Variants in PCCA observed in about 807,000 individuals in gnomAD.
The protein encoded by PCCA is propionyl-CoA carboxylase subunit alpha, also known as propionyl-CoA carboxylase alpha chain, mitochondrial.
In PCCA, 74 loss-of-function variants were observed where a neutral mutation model predicts 101.3. The ratio of observed to expected loss-of-function variants is 0.73; its 90% CI spans 0.61 to 0.89. The LOEUF (loss-of-function observed/expected upper bound fraction) is 0.89. Among genes scored for constraint, PCCA ranks in the 40% least tolerant of loss-of-function variants. PCCA has a pLI of 0.00. For synonymous variants in PCCA, 294 were observed against 313.6 expected (o/e 0.94, Z 0.66); for missense variants, 891 against 907.0 (o/e 0.98, Z 0.23).
At chr13:100,130,708 T>G (rs112097703) in intron 4 of PCCA, among the ~76,000 whole-genome samples, 4 of 152,296 alleles carry the variant, frequency 2.6e-5, no homozygotes, top group African/African-American at 9.6e-5. Flanking sequence ...ATTCCTCAAA[T>G]GGATAGTAGG....
At chr13:100,422,109 T>TCTTC (rs2078843841) in intron 19 of PCCA, among the ~76,000 whole-genome samples, 1 of 145,596 alleles carries the variant, frequency 6.9e-6, no homozygotes, top group Non-Finnish European at 1.5e-5. Context: ...TTTCTTTCTT[T>TCTTC]CTTTCTTTCT....
intron 21 of PCCA, among the ~76,000 whole-genome samples, chr13:100,507,068 T>C (rs548276797): frequency 1.1e-4 from 16 of 152,340 alleles, no homozygotes; most frequent in Admixed American, 9.8e-4. Flanking sequence ...GGTATTGTTA[T>C]ATAATTGAGT....
rs376716171 is a variant in PCCA, at chr13:100,391,395, A to G, written c.1746+22821A>G. On this transcript the variant is annotated intron_variant, in intron 19 of 23. Transcript: ENST00000376285. Reference sequence around the variant, plus strand: ...GAGGTGAGACTGGGAGGAGTTGATTATGGCATTAGAAATTGGAAGTACGTG... The same window carrying G: ...GAGGTGAGACTGGGAGGAGTTGATTGTGGCATTAGAAATTGGAAGTACGTG... Among the ~76,000 whole-genome samples, 164 of 152,276 alleles carry G rather than the reference A, an allele frequency of 1.1e-3. 6 individuals carry two copies. In the South Asian group the frequency reaches 0.031, roughly 29 times the overall value.
At chr13:100,203,920 A>G (rs1031568095) in intron 6 of PCCA, among the ~76,000 whole-genome samples, 13 of 152,248 alleles carry the variant, frequency 8.5e-5, no homozygotes, top group East Asian at 1.9e-4. Context: ...TGATGTTCCT[A>G]TTGACATCAC....
chr13:100,267,509 C>G (rs897794225), intron 10 of PCCA, among the ~76,000 whole-genome samples: 3 of 152,028 alleles, frequency 2.0e-5, no homozygotes, highest in Non-Finnish European at 2.9e-5. Context: ...TTGATATTAT[C>G]TGCTATTTAT....
chr13:100,277,554 A>G (rs913230670), intron 12 of PCCA, among the ~76,000 whole-genome samples: 10 of 152,134 alleles, frequency 6.6e-5, no homozygotes, highest in African/African-American at 1.7e-4. Context: ...CATTATGCCT[A>G]TAGATTAAAT....
intron 20 of PCCA, among the ~76,000 whole-genome samples, chr13:100,439,527 A>C (rs1272033760): frequency 1.3e-5 from 2 of 151,778 alleles, no homozygotes; most frequent in Non-Finnish European, 2.9e-5. Flanking sequence ...ATTTTATTTT[A>C]TTTTTTTACT....
chr13:100,199,650 A>ATAT (rs2058351293), intron 6 of PCCA, among the ~76,000 whole-genome samples: 2 of 152,224 alleles, frequency 1.3e-5, no homozygotes, highest in Non-Finnish European at 2.9e-5. Flanking sequence ...TTAAGATATA[A>ATAT]GCAGACTTTG....
At chr13:100,422,123 C>CT (rs765549638) in intron 19 of PCCA, among the ~76,000 whole-genome samples, 55 of 56,302 alleles carry the variant, frequency 9.8e-4, no homozygotes, top group Non-Finnish European at 1.5e-3. Context: ...TCTTTCTTTT[C>CT]TTTCTTTCTT....
At chr13:100,397,687 G>T (rs1384376847) in intron 19 of PCCA, among the ~76,000 whole-genome samples, 4 of 152,170 alleles carry the variant, frequency 2.6e-5, no homozygotes, top group African/African-American at 4.8e-5. Flanking sequence ...GAGCATGGCT[G>T]TGTGTGGCTG....
intron 12 of PCCA, 142 bp downstream of exon 12, chr13:100,273,488 ATCTGT>A (rs1439721228): frequency 1.4e-6 from 1 of 699,772 alleles, no homozygotes; most frequent in Non-Finnish European, 2.5e-6. Flanking sequence ...GTGCTAAGAC[ATCTGT>A]TAGGAATGAC....
chr13:100,529,723 A>G (rs2088215812), intron 23 of PCCA, among the ~76,000 whole-genome samples: 1 of 152,088 alleles, frequency 6.6e-6, no homozygotes, highest in Non-Finnish European at 1.5e-5. Context: ...CATTTCCACA[A>G]CCTCAAAACC....
At chr13:100,442,856 G>GGAAGGAAGTCCCAGGTAGCA (rs1375917865) in intron 20 of PCCA, among the ~76,000 whole-genome samples, 11 of 152,284 alleles carry the variant, frequency 7.2e-5, no homozygotes, top group Admixed American at 3.9e-4. Flanking sequence ...GAAGTCTGGG[G>GGAAGGAAGTCCCAGGTAGCA]GAAGGAAGTC....
At chr13:100,422,467 T>C (rs2078896750) in intron 19 of PCCA, among the ~76,000 whole-genome samples, 1 of 152,192 alleles carries the variant, frequency 6.6e-6, no homozygotes, top group African/African-American at 2.4e-5. Flanking sequence ...TAAAGTTCTA[T>C]AAACATAATC....
intron 12 of PCCA, among the ~76,000 whole-genome samples, chr13:100,300,881 A>T (rs1016019609): frequency 6.6e-6 from 1 of 152,252 alleles, no homozygotes; most frequent in African/African-American, 2.4e-5. Flanking sequence ...TCTGTTTTGC[A>T]ATTGTGCATG....
intron 19 of PCCA, among the ~76,000 whole-genome samples, chr13:100,377,555 C>T (rs1256102799): frequency 3.3e-5 from 5 of 152,150 alleles, no homozygotes; most frequent in Admixed American, 6.5e-5. Context: ...AGTGCAGTGG[C>T]GTGATCTAAG....
chr13:100,360,006 G>A (rs920138184), intron 18 of PCCA, among the ~76,000 whole-genome samples: 1 of 152,106 alleles, frequency 6.6e-6, no homozygotes, highest in African/African-American at 2.4e-5. Context: ...TTTTCACCCT[G>A]CTGATAAAGA....
chr13:100,277,236 G>A (rs1195496289), intron 12 of PCCA, among the ~76,000 whole-genome samples: 2 of 152,236 alleles, frequency 1.3e-5, no homozygotes, highest in African/African-American at 2.4e-5. Flanking sequence ...GTTTATCAAG[G>A]TTCTTTGATA....
chr13:100,225,708 G>A (rs2060107294), intron 7 of PCCA, among the ~76,000 whole-genome samples: 1 of 152,042 alleles, frequency 6.6e-6, no homozygotes, highest in Non-Finnish European at 1.5e-5. Flanking sequence ...AGCCTCAAAG[G>A]TTTTATATTT....
Sources: allele counts gnomAD v4.1 joint callset (sites outside exome capture counted in the v4.1 genomes callset), GRCh38; gene constraint gnomAD v4.1.1; transcripts MANE v1.5; gene names NCBI Gene and HGNC (gene_info 2026-07-23, HGNC 2026-07-21).